The following APLP2 variants were observed in gnomAD, a reference collection of about 807,000 sequenced individuals.
APLP2 encodes amyloid beta precursor like protein 2, also known as CDEI box-binding protein.
In APLP2, 53 loss-of-function variants were observed where a neutral mutation model predicts 89.9. That is an observed-to-expected ratio of 0.59 (90% CI 0.47 to 0.74). The LOEUF is 0.74. APLP2 is among the 30% of genes least tolerant of loss of function. APLP2 has a pLI of 0.00. For missense variants in APLP2, 973 were observed against 975.9 expected (o/e 1.00, Z 0.04); for synonymous variants, 372 against 348.6 (o/e 1.07, Z -0.75).
intron 9 of APLP2, among the ~76,000 whole-genome samples, chr11:130,128,325 A>G (rs1027146053): frequency 6.6e-6 from 1 of 152,190 alleles, no homozygotes; most frequent in African/African-American, 2.4e-5. Flanking sequence ...TCCAGGACTG[A>G]TTTGGTTTTT....
intron 1 of APLP2, chr11:130,070,447 C>G (rs1283922669): frequency 2.6e-6 from 2 of 782,018 alleles, no homozygotes; most frequent in East Asian, 1.0e-4. Context: ...GCGCTCCTCT[C>G]CCGCCGGAGT....
chr11:130,143,690 G>T lies in APLP2; in HGVS notation c.*242G>T. On this transcript the variant is annotated 3_prime_UTR_variant, in exon 17 of 17. Coordinates refer to ENST00000338167, the MANE Select transcript of APLP2 (RefSeq NM_001142276.2). ...CCTTAAATGAAAAAAATGATCTATT[G>T]CAGATATTTGATGTAGTTTTCTTTT... The T allele has an allele frequency of 2.5e-6, 1 of 404,514 alleles. No individual in the cohort carries two copies. Among genetic ancestry groups the T allele is most frequent in the South Asian group, 3.7e-5 (1 of 27,124 alleles). The allele number at this position is 404,514 out of a possible 1,614,324, so 25.1% of individuals were successfully genotyped here. A position where few individuals can be genotyped will look rare whatever the true frequency, so the allele number is the denominator to read the frequency against.
chr11:130,091,262 C>T (rs1445503966), intron 1 of APLP2, among the ~76,000 whole-genome samples: 2 of 128,298 alleles, frequency 1.6e-5, no homozygotes, highest in African/African-American at 6.5e-5. Context: ...GCTGGCCGGG[C>T]GGGGGGCTGA....
At chr11:130,133,005 A>G (rs1035215787) in intron 11 of APLP2, among the ~76,000 whole-genome samples, 4 of 151,162 alleles carry the variant, frequency 2.6e-5, no homozygotes, top group African/African-American at 9.8e-5. Context: ...GCTCAATATA[A>G]TTAGTAGTAA....
Position 130,120,445 on chromosome 11 carries a change from G to C in APLP2, c.404-261G>C, listed in dbSNP as rs1425030883. Among the ~76,000 whole-genome samples, 5 of 152,276 alleles carry C rather than the reference G, an allele frequency of 3.3e-5. No individual in the cohort carries two copies. The East Asian group carries it at 9.7e-4, about 29-fold the overall frequency. On this transcript the variant is annotated intron_variant, in intron 3 of 16. Coordinates refer to ENST00000338167, the MANE Select transcript of APLP2 (RefSeq NM_001142276.2). ...CCTATTATATTCCCCGTCACGTGTT[G>C]CTGTAGCCCTGCAGTGGGACTGCAG...
At chr11:130,096,083 CAG>C (rs1020561201) in intron 1 of APLP2, among the ~76,000 whole-genome samples, 2 of 152,292 alleles carry the variant, frequency 1.3e-5, no homozygotes, top group African/African-American at 4.8e-5. Flanking sequence ...CCCCTTTGAG[CAG>C]AGTCCTGAGG....
chr11:130,079,686 AT>A (rs1394011437), intron 1 of APLP2, among the ~76,000 whole-genome samples: 2 of 152,190 alleles, frequency 1.3e-5, no homozygotes, highest in Admixed American at 6.5e-5. Context: ...TATTCTGTGA[AT>A]TGTGACAGTT....
chr11:130,122,649 C>T, intron 6 of APLP2, 136 bp downstream of exon 6: 1 of 1,451,822 alleles, frequency 6.9e-7, no homozygotes. Flanking sequence ...GAGTTCAGCT[C>T]TCCAGTGCAG....
chr11:130,082,707 C>G, intron 1 of APLP2: 1 of 212,322 alleles, frequency 4.7e-6, no homozygotes, highest in Non-Finnish European at 9.7e-6. Flanking sequence ...CACGCCACTG[C>G]AGGTGTTGGT....
chr11:130,070,688 C>T, intron 1 of APLP2: 1 of 1,477,920 alleles, frequency 6.8e-7, no homozygotes, highest in Non-Finnish European at 8.9e-7. Context: ...GGGTCGCGGA[C>T]GCGCATTTTT....
At chr11:130,137,047 C>A (rs1231976110) in intron 13 of APLP2, among the ~76,000 whole-genome samples, 9 of 152,162 alleles carry the variant, frequency 5.9e-5, no homozygotes, top group Admixed American at 5.9e-4. Flanking sequence ...TTTTTTCTCT[C>A]TTATCAAGGA....
Position 130,110,520 on chromosome 11 carries a change from T to C in APLP2, c.280-18T>C. The C allele has an allele frequency of 6.2e-7, 1 of 1,611,782 alleles. No individual in the cohort carries two copies. The highest frequency in any genetic ancestry group is 8.5e-7 in the Non-Finnish European group (1 of 1,179,260). ...TCTGCAGATTGATTTATTGTGTGTG[T>C]GTTTGTTTTCTTAACAGATGTATCC... On this transcript the variant is annotated intron_variant, in intron 2 of 16. Transcript: ENST00000338167.
In APLP2 at chr11:130,105,518, A is replaced by G. The variant is rs1947568253; in HGVS notation, c.106-3911A>G. On this transcript the variant is annotated intron_variant, in intron 1 of 16. Coordinates refer to ENST00000338167, the MANE Select transcript of APLP2 (RefSeq NM_001142276.2). ...AAAGAACAACATGGTAGACCATATA[A>G]TCTAACCCTCCTCCTCTACAAGTTT... Among the ~76,000 whole-genome samples, 6 of 152,300 alleles carry G rather than the reference A, an allele frequency of 3.9e-5. No individual in the cohort carries two copies. In the South Asian group the frequency reaches 1.2e-3, roughly 32 times the overall value.
chr11:130,085,270 C>T (rs1488035020), intron 1 of APLP2, among the ~76,000 whole-genome samples: 4 of 152,084 alleles, frequency 2.6e-5, no homozygotes, highest in South Asian at 2.1e-4. Flanking sequence ...GCCAACATGG[C>T]GAAACGCCGT....
At chr11:130,130,320 G>A (rs1232668884) in intron 11 of APLP2, among the ~76,000 whole-genome samples, 154 bp downstream of exon 11, 1 of 152,148 alleles carries the variant, frequency 6.6e-6, no homozygotes, top group East Asian at 1.9e-4. Context: ...TACGTGAACT[G>A]GTTTTTGCAA....
intron 4 of APLP2, 35 bp from the exon 5 acceptor site, chr11:130,121,575 CTGGA>C (rs1949822582): frequency 6.4e-7 from 1 of 1,567,586 alleles, no homozygotes; most frequent in Admixed American, 1.8e-5. Context: ...CACGTTTACT[CTGGA>C]GTATGTTCTG....
Position 130,120,695 on chromosome 11 carries a change from C to T in APLP2, c.404-11C>T. ...GGTCAGATCCGCTCTGACAAAGATT[C>T]TCTTTTCCAGTGGGTGAATTTGTAA... On this transcript the variant is annotated splice_polypyrimidine_tract_variant and intron_variant, in intron 3 of 16. Coordinates refer to ENST00000338167, the MANE Select transcript of APLP2 (RefSeq NM_001142276.2). The T allele has an allele frequency of 6.2e-7, 1 of 1,603,620 alleles. No homozygotes were observed. Among genetic ancestry groups the T allele is most frequent in the Non-Finnish European group, 8.5e-7 (1 of 1,170,522 alleles).
intron 1 of APLP2, among the ~76,000 whole-genome samples, chr11:130,107,274 T>C (rs1386212993): frequency 1.3e-5 from 2 of 152,222 alleles, no homozygotes; most frequent in Non-Finnish European, 2.9e-5. Context: ...GAAAGTAGAT[T>C]AGCTTTTACG....
intron 9 of APLP2, among the ~76,000 whole-genome samples, chr11:130,128,212 T>C (rs2136015579): frequency 6.6e-6 from 1 of 152,338 alleles, no homozygotes; most frequent in East Asian, 1.9e-4. Flanking sequence ...TAAAGATCTC[T>C]GATACAATTC....
Sources: allele counts gnomAD v4.1 joint callset (sites outside exome capture counted in the v4.1 genomes callset), GRCh38; gene constraint gnomAD v4.1.1; transcripts MANE v1.5; gene names NCBI Gene and HGNC (gene_info 2026-07-23, HGNC 2026-07-21).